TMEM132D: variants seen among roughly 807,000 people sequenced by gnomAD.
TMEM132D encodes the protein mature OL transmembrane protein.
In TMEM132D, 21 loss-of-function variants were observed where a neutral mutation model predicts 62.3. The ratio of observed to expected loss-of-function variants is 0.34; its 90% CI spans 0.24 to 0.49. The LOEUF (loss-of-function observed/expected upper bound fraction) is 0.49, where lower values mean the gene tolerates loss of function less well. TMEM132D is among the 20% of genes least tolerant of loss of function. TMEM132D has a pLI of 0.99. For missense variants in TMEM132D, 1,346 were observed against 1,402.8 expected, an observed-to-expected ratio of 0.96 and a Z score of 0.65; for synonymous variants, 621 against 575.6, an observed-to-expected ratio of 1.08 and a Z score of -1.13.
chr12:129,688,145 CTG>C (rs1880976189), intron 2 of TMEM132D, among the ~76,000 whole-genome samples: 1 of 152,154 alleles, frequency 6.6e-6, no homozygotes, highest in Non-Finnish European at 1.5e-5. Flanking sequence ...ATTCATGAAA[CTG>C]TGTGCAAAGA....
intron 2 of TMEM132D, among the ~76,000 whole-genome samples, chr12:129,623,664 C>A (rs1327020732): frequency 7.0e-6 from 1 of 142,668 alleles, no homozygotes; most frequent in Admixed American, 7.0e-5. Flanking sequence ...TATATATATA[C>A]ATATATATAC....
intron 2 of TMEM132D, among the ~76,000 whole-genome samples, chr12:129,532,163 G>C (rs1281457141): frequency 6.6e-6 from 1 of 152,236 alleles, no homozygotes; most frequent in Non-Finnish European, 1.5e-5. Context: ...GTTTCCTGCT[G>C]TGTTTTCTCT....
chr12:129,358,065 G>T (rs748917278), intron 3 of TMEM132D, among the ~76,000 whole-genome samples: 1 of 151,948 alleles, frequency 6.6e-6, no homozygotes, highest in Non-Finnish European at 1.5e-5. Flanking sequence ...TTTAATGTAC[G>T]TACTTTATAA....
At chr12:129,793,073 CT>C (rs34199090) in intron 1 of TMEM132D, among the ~76,000 whole-genome samples, 6,700 of 140,798 alleles carry the variant, frequency 0.048, 210 homozygotes, top group East Asian at 0.13. Flanking sequence ...GCTTTTTATT[CT>C]TTTTTTTTTT....
intron 4 of TMEM132D, among the ~76,000 whole-genome samples, chr12:129,260,381 G>T (rs927233620): frequency 2.0e-5 from 3 of 152,190 alleles, no homozygotes; most frequent in African/African-American, 7.2e-5. Flanking sequence ...CAATCAAGTG[G>T]CTGGGGTGAC....
intron 5 of TMEM132D, among the ~76,000 whole-genome samples, chr12:129,148,245 C>T (rs1484649400): frequency 6.6e-6 from 1 of 152,124 alleles, no homozygotes; most frequent in South Asian, 2.1e-4. Context: ...AAATCTATAG[C>T]CCCATGTGGG....
Position 129,320,842 on chromosome 12 carries a change from G to A in TMEM132D, c.1299+16792C>T, listed in dbSNP as rs569798458. Reference sequence around the variant, plus strand: ...AAATACATAAATCCATCTTTTTTCAGGTAAAATCAACAGGACTTGGTATTG... The same window carrying A: ...AAATACATAAATCCATCTTTTTTCAAGTAAAATCAACAGGACTTGGTATTG... On this transcript the variant is annotated intron_variant, in intron 4 of 8. Transcript: ENST00000422113. Among the ~76,000 whole-genome samples the A allele has an allele frequency of 6.7e-4, 102 of 152,122 alleles. 1 individual carries two copies. The South Asian group carries it at 8.9e-3, about 13-fold the overall frequency.
At chr12:129,208,328 G>A (rs533207604) in intron 5 of TMEM132D, among the ~76,000 whole-genome samples, 2 of 152,316 alleles carry the variant, frequency 1.3e-5, no homozygotes, top group South Asian at 4.1e-4. Context: ...TGGAGTCAGT[G>A]AAGGAAGTTG....
At chr12:129,549,766 A>C (rs536068404) in intron 2 of TMEM132D, among the ~76,000 whole-genome samples, 4 of 152,306 alleles carry the variant, frequency 2.6e-5, no homozygotes, top group Admixed American at 2.6e-4. Flanking sequence ...CTTTGGTGGA[A>C]GCTAGAAGGA....
intron 2 of TMEM132D, among the ~76,000 whole-genome samples, chr12:129,645,169 T>C (rs937293326): frequency 3.9e-5 from 6 of 152,064 alleles, no homozygotes; most frequent in African/African-American, 9.7e-5. Context: ...CCAGGAGAGA[T>C]TGAGAGTCCG....
chr12:129,841,075 T>G (rs984718948), intron 1 of TMEM132D, among the ~76,000 whole-genome samples: 5 of 152,184 alleles, frequency 3.3e-5, no homozygotes, highest in African/African-American at 2.4e-5. Context: ...AATCAAATTT[T>G]GGCACTGCGG....
At chr12:129,370,821 C>T (rs1245822000) in intron 3 of TMEM132D, among the ~76,000 whole-genome samples, 2 of 152,072 alleles carry the variant, frequency 1.3e-5, no homozygotes, top group Admixed American at 1.3e-4. Context: ...TGGGAGCAGA[C>T]ATAGTGTCTC....
intron 1 of TMEM132D, among the ~76,000 whole-genome samples, chr12:129,721,556 C>A (rs1868831812): frequency 6.6e-6 from 1 of 152,106 alleles, no homozygotes; most frequent in African/African-American, 2.4e-5. Context: ...GCTGCTGGCG[C>A]TCTAGGTGAG....
chr12:129,787,882 C>G (rs1205457563), intron 1 of TMEM132D, among the ~76,000 whole-genome samples: 1 of 152,174 alleles, frequency 6.6e-6, no homozygotes, highest in Non-Finnish European at 1.5e-5. Context: ...GAGGCTGCTG[C>G]AGGACAGAGG....
intron 1 of TMEM132D, among the ~76,000 whole-genome samples, chr12:129,787,570 A>G (rs1207219783): frequency 6.6e-6 from 1 of 152,238 alleles, no homozygotes; most frequent in African/African-American, 2.4e-5. Context: ...TCTCTTTCCC[A>G]AAACCTCAGT....
chr12:129,618,983 T>A (rs549467404), intron 2 of TMEM132D, among the ~76,000 whole-genome samples: 1 of 152,120 alleles, frequency 6.6e-6, no homozygotes, highest in African/African-American at 2.4e-5. Flanking sequence ...GTTGAAAGAG[T>A]TGTTATCAGC....
intron 3 of TMEM132D, among the ~76,000 whole-genome samples, chr12:129,409,063 G>C (rs771167145): frequency 6.6e-6 from 1 of 152,038 alleles, no homozygotes; most frequent in African/African-American, 2.4e-5. Context: ...CCCCCAAGTA[G>C]CTGGGATTAC....
At chr12:129,177,325 T>C (rs190350637) in intron 5 of TMEM132D, among the ~76,000 whole-genome samples, 269 of 152,200 alleles carry the variant, frequency 1.8e-3, no homozygotes, top group Non-Finnish European at 3.0e-3. Context: ...CCAGCTCCAA[T>C]GAAGCATATA....
At chr12:129,109,412 T>A (rs962175245) in intron 5 of TMEM132D, among the ~76,000 whole-genome samples, 1 of 152,066 alleles carries the variant, frequency 6.6e-6, no homozygotes, top group East Asian at 1.9e-4. Context: ...AGTAAATGAG[T>A]TAATATAGAT....
Sources: gnomAD v4.1 joint callset for allele counts (sites outside exome capture counted in the v4.1 genomes callset) on GRCh38, gnomAD v4.1.1 for gene constraint, MANE v1.5 for transcripts, NCBI Gene and HGNC (gene_info 2026-07-23, HGNC 2026-07-21) for gene names.